Variants in TACC2 observed in about 807,000 individuals in gnomAD.
TACC2 encodes transforming acidic coiled-coil-containing protein 2.
TACC2 carries 137 observed loss-of-function variants against 227.3 expected under a neutral mutation model. The ratio of observed to expected loss-of-function variants is 0.60; its 90% CI spans 0.52 to 0.69. The LOEUF is 0.69. Ranked by LOEUF, TACC2 falls within the 30% of genes least tolerant of loss-of-function variation. TACC2 has a pLI of 0.00. For synonymous variants in TACC2, 1,523 were observed against 1,487.5 expected (o/e 1.02, Z -0.55); for missense variants, 3,470 against 3,694.4 (o/e 0.94, Z 1.57).
At chr10:122,023,466 T>TA in intron 2 of TACC2, 1 of 151,918 alleles carries the variant, frequency 6.6e-6, no homozygotes, top group Admixed American at 6.5e-5. Context: ...TATGCAGCCA[T>TA]AAAAAAGGAT....
At chr10:122,146,640 A>C (rs1348302491) in intron 7 of TACC2, among the ~76,000 whole-genome samples, 1 of 152,196 alleles carries the variant, frequency 6.6e-6, no homozygotes. Flanking sequence ...GGCCCTCACC[A>C]GATGCTGCCC....
At chr10:122,099,765 G>A (rs527926824) in intron 5 of TACC2, among the ~76,000 whole-genome samples, 3 of 152,286 alleles carry the variant, frequency 2.0e-5, no homozygotes, top group South Asian at 4.1e-4. Context: ...ATAAATTTGT[G>A]GGAGATAAAA....
chr10:122,028,721 T>C (rs1312106781), intron 2 of TACC2, among the ~76,000 whole-genome samples: 1 of 149,998 alleles, frequency 6.7e-6, no homozygotes, highest in Non-Finnish European at 1.5e-5. Context: ...TACCCTTCCT[T>C]CCTTCCTTCC....
intron 11 of TACC2, among the ~76,000 whole-genome samples, chr10:122,220,182 T>C (rs2141221221): frequency 6.6e-6 from 1 of 152,354 alleles, no homozygotes; most frequent in Non-Finnish European, 1.5e-5. Context: ...ACAGTACTTT[T>C]AGGGCTAATA....
At chr10:122,043,991 G>A (rs1244283026) in intron 2 of TACC2, among the ~76,000 whole-genome samples, 1 of 152,128 alleles carries the variant, frequency 6.6e-6, no homozygotes, top group African/African-American at 2.4e-5. Context: ...TTTACACCAT[G>A]CCTGTTTTAG....
chr10:122,065,345 T>C (rs1385294061), intron 3 of TACC2, among the ~76,000 whole-genome samples: 1 of 152,234 alleles, frequency 6.6e-6, no homozygotes, highest in Admixed American at 6.5e-5. Flanking sequence ...ATTTTCATTC[T>C]GTTCAAATAC....
At chr10:122,192,854 C>T in intron 7 of TACC2, 1 of 434,584 alleles carries the variant, frequency 2.3e-6, no homozygotes, top group Non-Finnish European at 4.8e-6. Context: ...GTGCTGGGGG[C>T]CTGGTGAGGA....
At chr10:122,172,524 G>A (rs530791091) in intron 7 of TACC2, among the ~76,000 whole-genome samples, 4 of 152,330 alleles carry the variant, frequency 2.6e-5, no homozygotes, top group South Asian at 2.1e-4. Context: ...ATTGTTCTGC[G>A]TTAAAGGGAG....
rs1470506018 is a variant in TACC2 at position 122,248,661 on chromosome 10, A to T, written c.8411A>T (p.Lys2804Met). Residue 2804 changes from lysine (K) to methionine (M), a missense_variant, in exon 20 of 23, where the codon AAG (lysine) becomes ATG (methionine). Physicochemically the swap from Lys to Met is moderately conservative, Grantham distance 95. Transcript: ENST00000369005. ...AQMIEDEQREKSVSHQTVQQL... is the reference protein window; with the variant it reads ...AQMIEDEQREMSVSHQTVQQL... ...CTGCCAGAGGACGAACAGAGAGAGAAGTCAGTCTCCCACCAGACGGTGCAG... is the reference window on the plus strand; with the variant it reads ...CTGCCAGAGGACGAACAGAGAGAGATGTCAGTCTCCCACCAGACGGTGCAG... The T allele has an allele frequency of 1.2e-6, 2 of 1,613,370 alleles. No homozygotes were observed. The highest frequency in any genetic ancestry group is 1.1e-5 in the South Asian group (1 of 91,038).
intron 14 of TACC2, 145 bp from the exon 15 acceptor site, chr10:122,229,201 A>T (rs149363062): frequency 1.0e-5 from 9 of 903,196 alleles, no homozygotes; most frequent in African/African-American, 1.0e-4. Flanking sequence ...AGATGAAACC[A>T]CAAGTAATGG....
chr10:122,181,378 G>A (rs948341292), intron 7 of TACC2, among the ~76,000 whole-genome samples: 1 of 152,148 alleles, frequency 6.6e-6, no homozygotes, highest in Non-Finnish European at 1.5e-5. Context: ...TCTTTATTGT[G>A]TTAAGGTGAA....
At chr10:122,207,280 T>C (rs1474500054) in intron 8 of TACC2, among the ~76,000 whole-genome samples, 2 of 145,464 alleles carry the variant, frequency 1.4e-5, no homozygotes, top group Non-Finnish European at 3.0e-5. Flanking sequence ...GCCTGGGTGA[T>C]GGAATGGGAC....
At chr10:122,014,995 G>A (rs558150844) in intron 1 of TACC2, among the ~76,000 whole-genome samples, 6 of 152,056 alleles carry the variant, frequency 3.9e-5, no homozygotes, top group Admixed American at 1.3e-4. Flanking sequence ...TCTCAAGGTG[G>A]TAGTGTCATA....
intron 18 of TACC2, among the ~76,000 whole-genome samples, chr10:122,238,742 C>A (rs1048285220): frequency 4.6e-5 from 7 of 152,012 alleles, no homozygotes; most frequent in African/African-American, 1.7e-4. Flanking sequence ...TGAGTCGCTG[C>A]GCCTGACCCA....
intron 1 of TACC2, among the ~76,000 whole-genome samples, chr10:122,009,387 TCAG>T (rs1432823017): frequency 4.6e-5 from 7 of 152,040 alleles, no homozygotes; most frequent in Non-Finnish European, 7.4e-5. Flanking sequence ...GCCTGTAATC[TCAG>T]CTACTCGGGA....
intron 7 of TACC2, among the ~76,000 whole-genome samples, chr10:122,167,541 G>C (rs1349679557): frequency 6.6e-6 from 1 of 152,224 alleles, no homozygotes; most frequent in Non-Finnish European, 1.5e-5. Flanking sequence ...GGCAAAAGAA[G>C]GATCTCGGGT....
intron 7 of TACC2, among the ~76,000 whole-genome samples, chr10:122,179,564 A>G (rs942084704): frequency 4.3e-4 from 66 of 152,174 alleles, no homozygotes; most frequent in Admixed American, 2.2e-3. Flanking sequence ...GCCACTTCTC[A>G]CCTTGGAGGC....
chr10:122,117,275 A>C (rs1345318230), intron 5 of TACC2, among the ~76,000 whole-genome samples: 1 of 150,340 alleles, frequency 6.7e-6, no homozygotes, highest in East Asian at 2.0e-4. Context: ...GCCCACTGCA[A>C]CCTCTGCCTC....
chr10:122,071,328 G>A (rs561254766), intron 3 of TACC2, among the ~76,000 whole-genome samples: 5 of 152,302 alleles, frequency 3.3e-5, no homozygotes, highest in African/African-American at 1.2e-4. Flanking sequence ...TGAAAGCCAA[G>A]TTCATTCTGG....
Sources: allele counts gnomAD v4.1 joint callset (sites outside exome capture counted in the v4.1 genomes callset), GRCh38; gene constraint gnomAD v4.1.1; transcripts MANE v1.5; gene names NCBI Gene and HGNC (gene_info 2026-07-23, HGNC 2026-07-21).